The following AKAIN1 variants were observed in gnomAD, a reference collection of about 807,000 sequenced individuals.
AKAIN1 encodes A-kinase anchor protein inhibitor 1.
AKAIN1 carries 3 observed loss-of-function variants against 3.7 expected under a neutral mutation model. The ratio of observed to expected loss-of-function variants is 0.82; its 90% confidence interval spans 0.37 to 2.12. AKAIN1 has a LOEUF of 2.12. AKAIN1 is among the 30% of genes most tolerant of loss of function. AKAIN1 has a pLI of 0.06. For synonymous variants in AKAIN1, 31 were observed against 30.8 expected (o/e 1.01, Z -0.02); for missense variants, 82 against 82.7 (o/e 0.99, Z 0.03).
chr18:5,189,479 C>T (rs573166206), intron 1 of AKAIN1, among the ~76,000 whole-genome samples: 19 of 152,180 alleles, frequency 1.2e-4, no homozygotes, highest in African/African-American at 4.6e-4. Flanking sequence ...TCATTCCTTT[C>T]CTCTTACATC....
chr18:5,155,295 G>T (rs998604875), intron 1 of AKAIN1, among the ~76,000 whole-genome samples: 1 of 152,194 alleles, frequency 6.6e-6, no homozygotes, highest in Admixed American at 6.5e-5. Flanking sequence ...ATGTCAGGGG[G>T]CTGAAAACTC....
intron 1 of AKAIN1, among the ~76,000 whole-genome samples, chr18:5,174,018 C>T (rs2071211970): frequency 6.6e-6 from 1 of 152,142 alleles, no homozygotes; most frequent in Non-Finnish European, 1.5e-5. Flanking sequence ...GAGCCCTCCC[C>T]TTGTATTCAT....
At chr18:5,156,863 A>G (rs2071111395) in intron 1 of AKAIN1, among the ~76,000 whole-genome samples, 1 of 152,212 alleles carries the variant, frequency 6.6e-6, no homozygotes, top group African/African-American at 2.4e-5. Context: ...ATTCTTAATG[A>G]TGAATTTTCA....
At chr18:5,186,931 C>T (rs1598316289) in intron 1 of AKAIN1, among the ~76,000 whole-genome samples, 2 of 152,126 alleles carry the variant, frequency 1.3e-5, no homozygotes, top group East Asian at 3.9e-4. Flanking sequence ...CAATACACTT[C>T]TAAATGATCC....
At chr18:5,184,523 C>A (rs1049553679) in intron 1 of AKAIN1, among the ~76,000 whole-genome samples, 2 of 152,060 alleles carry the variant, frequency 1.3e-5, no homozygotes, top group East Asian at 1.9e-4. Context: ...GCATGAAAAC[C>A]AGTAGCATCT....
chr18:5,180,501 G>T (rs2071251728), intron 1 of AKAIN1, among the ~76,000 whole-genome samples: 1 of 152,030 alleles, frequency 6.6e-6, no homozygotes, highest in South Asian at 2.1e-4. Flanking sequence ...TGTCCTATAG[G>T]CACAACAAAG....
intron 1 of AKAIN1, among the ~76,000 whole-genome samples, chr18:5,155,239 T>C (rs1055388535): frequency 6.6e-5 from 10 of 152,184 alleles, no homozygotes; most frequent in African/African-American, 2.4e-4. Context: ...CGTGAGTCTA[T>C]GCAGGCTGTG....
At chr18:5,185,048 T>G (rs1477832318) in intron 1 of AKAIN1, among the ~76,000 whole-genome samples, 1 of 152,128 alleles carries the variant, frequency 6.6e-6, no homozygotes, top group Non-Finnish European at 1.5e-5. Flanking sequence ...ACTGCACACC[T>G]ACCACCACCT....
At chr18:5,154,642 T>G (rs988285540) in intron 1 of AKAIN1, among the ~76,000 whole-genome samples, 2 of 152,088 alleles carry the variant, frequency 1.3e-5, no homozygotes, top group African/African-American at 4.8e-5. Flanking sequence ...TTCTGGACCC[T>G]GATGGGATGG....
At position 5,178,970 on chromosome 18, in the gene AKAIN1, C is replaced by T. The variant is rs563562238; in HGVS notation, c.16+18068G>A. Among the ~76,000 whole-genome samples the T allele has an allele frequency of 2.4e-4, 37 of 152,108 alleles. 1 individual carries two copies. The East Asian group carries it at 7.2e-3, about 29-fold the overall frequency. On this transcript the variant is annotated intron_variant, in intron 1 of 1. Coordinates refer to ENST00000434239, the MANE Select transcript of AKAIN1 (RefSeq NM_001145194.2). ...GTATGCCAATTTTCTTTGGGTTTTCCCTTCGTATTATTTAATAAAAGTCAA... is the reference window on the plus strand; with the variant it reads ...GTATGCCAATTTTCTTTGGGTTTTCTCTTCGTATTATTTAATAAAAGTCAA...
At chr18:5,146,993 A>T (rs1205783592) in intron 1 of AKAIN1, among the ~76,000 whole-genome samples, 1 of 152,218 alleles carries the variant, frequency 6.6e-6, no homozygotes, top group East Asian at 1.9e-4. Context: ...ATTTTATTTG[A>T]GTAGTTATGT....
In AKAIN1 at chr18:5,145,416, T is replaced by A; in HGVS notation, c.*146A>T. 2 of 629,326 alleles carry A rather than the reference T, an allele frequency of 3.2e-6. No individual in the cohort carries two copies. The highest frequency in any genetic ancestry group is 5.5e-6 in the Non-Finnish European group (2 of 362,492). 39.0% of individuals were successfully genotyped at this position (629,326 alleles called of 1,614,324 possible). ...TAATGCACTTTTTCAAAACAGTGCT[T>A]CTCAGCCAGGGGCTAGTGTGAATTC... is the stretch of plus-strand genomic sequence containing the variant. On this transcript the variant is annotated 3_prime_UTR_variant, in exon 2 of 2. Coordinates refer to ENST00000434239, the MANE Select transcript of AKAIN1 (RefSeq NM_001145194.2).
chr18:5,196,653 G>T (rs190599274), intron 1 of AKAIN1, among the ~76,000 whole-genome samples: 1 of 152,198 alleles, frequency 6.6e-6, no homozygotes, highest in Non-Finnish European at 1.5e-5. Flanking sequence ...AGCAGTGAGG[G>T]AGATTCCCAC....
At chr18:5,181,327 A>C (rs1222473853) in intron 1 of AKAIN1, among the ~76,000 whole-genome samples, 4 of 152,048 alleles carry the variant, frequency 2.6e-5, no homozygotes, top group African/African-American at 9.7e-5. Context: ...TTTTTAAAGG[A>C]ATTGAGAGAA....
intron 1 of AKAIN1, among the ~76,000 whole-genome samples, chr18:5,154,487 C>T (rs530681793): frequency 6.1e-4 from 93 of 152,102 alleles, no homozygotes; most frequent in Non-Finnish European, 1.3e-3. Context: ...AAACTCCTCC[C>T]AAGAGTTTCT....
At chr18:5,165,425 C>G (rs2071162396) in intron 1 of AKAIN1, among the ~76,000 whole-genome samples, 1 of 151,932 alleles carries the variant, frequency 6.6e-6, no homozygotes, top group Non-Finnish European at 1.5e-5. Flanking sequence ...CCACACTCAT[C>G]TCCTCCTTGT....
intron 1 of AKAIN1, among the ~76,000 whole-genome samples, chr18:5,179,114 G>T (rs2071242649): frequency 6.6e-6 from 1 of 152,062 alleles, no homozygotes; most frequent in African/African-American, 2.4e-5. Flanking sequence ...ATATTGATTA[G>T]TGGTGAAGTT....
In AKAIN1 at chr18:5,144,213, A is replaced by C. The variant is rs888359801; in HGVS notation, c.*1349T>G. Among the ~76,000 whole-genome samples the C allele has an allele frequency of 2.0e-5, 3 of 152,194 alleles. No homozygotes were observed. Among genetic ancestry groups the C allele is most frequent in the Admixed American group, 6.5e-5 (1 of 15,272 alleles). On this transcript the variant is annotated 3_prime_UTR_variant, in exon 2 of 2. Transcript: ENST00000434239. ...CTATTATCCAACTATTTATTCTAGA[A>C]ACTGTAGCATATTGGAATTTTAGAA...
chr18:5,169,485 C>T (rs896394877), intron 1 of AKAIN1, among the ~76,000 whole-genome samples: 30 of 151,610 alleles, frequency 2.0e-4, no homozygotes, highest in Admixed American at 1.4e-3. Flanking sequence ...CATTCATCAG[C>T]TAAGGCCCTC....
Sources: allele counts gnomAD v4.1 joint callset (sites outside exome capture counted in the v4.1 genomes callset), GRCh38; gene constraint gnomAD v4.1.1; transcripts MANE v1.5; gene names NCBI Gene and HGNC (gene_info 2026-07-23, HGNC 2026-07-21).